Variants in SLC41A3 observed in about 807,000 individuals in gnomAD.
SLC41A3 encodes solute carrier family 41 member 3, also known as SLC41A1-like 2.
SLC41A3 carries 44 observed loss-of-function variants against 45.4 expected under a neutral mutation model. That is an observed-to-expected ratio of 0.97 (90% CI 0.76 to 1.25). The LOEUF (loss-of-function observed/expected upper bound fraction) is 1.25, where lower values mean the gene tolerates loss of function less well. SLC41A3 is among the 50% of genes most tolerant of loss of function. The pLI is 0.00. For missense variants in SLC41A3, 550 were observed against 600.6 expected, an observed-to-expected ratio of 0.92 and a Z score of 0.88; for synonymous variants, 256 against 252.4, an observed-to-expected ratio of 1.01 and a Z score of -0.13.
chr3:126,014,119 A>C (rs1182868768), intron 8 of SLC41A3, among the ~76,000 whole-genome samples: 1 of 152,108 alleles, frequency 6.6e-6, no homozygotes, highest in African/African-American at 2.4e-5. Context: ...TGCCATGGAG[A>C]ACTCTCCCTA....
At chr3:126,098,938 T>TG in intron 1 of SLC41A3, among the ~76,000 whole-genome samples, 1 of 150,012 alleles carries the variant, frequency 6.7e-6, no homozygotes, top group African/African-American at 2.4e-5. Flanking sequence ...TTTTTTTTTT[T>TG]TTTTTTTTTG....
chr3:126,076,300 T>C (rs1243860505), intron 1 of SLC41A3, among the ~76,000 whole-genome samples: 3 of 152,238 alleles, frequency 2.0e-5, no homozygotes, highest in Non-Finnish European at 2.9e-5. Context: ...TAACATAATG[T>C]TGTCAAGCTT....
chr3:126,050,916 G>A (rs202134127), intron 3 of SLC41A3, 27 bp downstream of exon 3: 675 of 1,598,038 alleles, frequency 4.2e-4, no homozygotes, highest in South Asian at 9.5e-4. Flanking sequence ...CGTTGTGGCC[G>A]CCTCGAATGT....
At chr3:126,017,435 G>A (rs1370394901) in intron 6 of SLC41A3, among the ~76,000 whole-genome samples, 4 of 152,212 alleles carry the variant, frequency 2.6e-5, no homozygotes, top group Admixed American at 1.3e-4. Flanking sequence ...GTCACCAGCC[G>A]GGTAGCTACT....
At chr3:126,061,535 G>A (rs1944069107) in intron 2 of SLC41A3, among the ~76,000 whole-genome samples, 1 of 152,236 alleles carries the variant, frequency 6.6e-6, no homozygotes, top group East Asian at 1.9e-4. Flanking sequence ...GGGCAGGGGT[G>A]TCTGCCTGGC....
chr3:126,007,473 C>T (rs1939220866), intron 10 of SLC41A3, among the ~76,000 whole-genome samples: 1 of 152,198 alleles, frequency 6.6e-6, no homozygotes, highest in South Asian at 2.1e-4. Context: ...CCTGAAGGGC[C>T]AATCAGACCC....
chr3:126,088,036 C>T (rs1203517523), upstream of SLC41A3, among the ~76,000 whole-genome samples: 2 of 152,060 alleles, frequency 1.3e-5, no homozygotes, highest in African/African-American at 4.8e-5. Context: ...AGCTCTTTCT[C>T]TTTTGAAATG....
intron 2 of SLC41A3, among the ~76,000 whole-genome samples, chr3:126,052,618 C>T (rs1484991310): frequency 6.6e-6 from 1 of 152,106 alleles, no homozygotes; most frequent in Non-Finnish European, 1.5e-5. Context: ...GATGGGTAAG[C>T]CCCATCTGCT....
upstream of SLC41A3, among the ~76,000 whole-genome samples, chr3:126,086,408 GTTTT>G (rs57316346): frequency 4.7e-5 from 1 of 21,184 alleles, no homozygotes; most frequent in Non-Finnish European, 1.1e-4. Flanking sequence ...TTGTTTTCTT[GTTTT>G]TTTTTTTTTT....
chr3:126,022,964 C>T (rs1941033882), intron 5 of SLC41A3, 32 bp from the exon 6 acceptor site: 1 of 1,612,412 alleles, frequency 6.2e-7, no homozygotes, highest in East Asian at 2.2e-5. Context: ...ACAGCAGACT[C>T]AAATCCCAGG....
At chr3:126,069,293 C>A (rs1420476889) in intron 1 of SLC41A3, among the ~76,000 whole-genome samples, 1 of 151,926 alleles carries the variant, frequency 6.6e-6, no homozygotes, top group African/African-American at 2.4e-5. Context: ...ACTGGATGTA[C>A]CCAGTGTGCA....
intron 1 of SLC41A3, among the ~76,000 whole-genome samples, chr3:126,095,552 C>T (rs1211245648): frequency 6.6e-6 from 1 of 152,242 alleles, no homozygotes; most frequent in African/African-American, 2.4e-5. Flanking sequence ...TCAATCTTGG[C>T]TGGCAATAAT....
chr3:126,046,788 C>G (rs1316811406), intron 3 of SLC41A3, among the ~76,000 whole-genome samples: 1 of 151,660 alleles, frequency 6.6e-6, no homozygotes, highest in Non-Finnish European at 1.5e-5. Flanking sequence ...ATGATGAAAC[C>G]ACTTCTCTAT....
intron 4 of SLC41A3, 81 bp downstream of exon 4, chr3:126,033,526 C>T: frequency 6.8e-7 from 1 of 1,476,474 alleles, no homozygotes; most frequent in South Asian, 1.2e-5. Flanking sequence ...GGGACAAGAG[C>T]TCGCTTAGCC....
chr3:126,097,079 G>T (rs551126932), intron 1 of SLC41A3, among the ~76,000 whole-genome samples: 2 of 152,290 alleles, frequency 1.3e-5, no homozygotes, highest in South Asian at 4.1e-4. Context: ...AAGAGAGAAG[G>T]TCATGTTTGA....
In SLC41A3 at chr3:126,007,058, T is replaced by C; in HGVS notation, c.1422A>G (p.Ala474=). The C allele has an allele frequency of 6.2e-7, 1 of 1,614,170 alleles. No homozygotes were observed. Among genetic ancestry groups the C allele is most frequent in the South Asian group, 1.1e-5 (1 of 91,076 alleles). ...FFTDWLLKSK[A]ELGGISELAS... ...CCAGTTCTGAGATGCCACCCAGCTC[T>C]GCCTTGCTCTTCAGTAGCCAGTCAG... The change falls in exon 11 of 11, where the codon GCA becomes GCG. Residue 474 remains alanine, a synonymous_variant. Coordinates refer to ENST00000360370, the MANE Select transcript of SLC41A3 (RefSeq NM_017836.4).
chr3:126,026,858 T>C lies in SLC41A3; in HGVS notation c.454-379A>G, dbSNP rs138674710. Among the ~76,000 whole-genome samples the C allele has an allele frequency of 6.6e-6, 1 of 152,250 alleles. No homozygotes were observed. Among genetic ancestry groups the C allele is most frequent in the African/African-American group, 2.4e-5 (1 of 41,538 alleles). On this transcript the variant is annotated intron_variant, in intron 4 of 10. Transcript: ENST00000360370. The surrounding 1 kb of genome is among the most constrained non-coding windows in gnomAD (Gnocchi z 4.2). ...CGGCAGTGCAGACAACACACCTCAC[T>C]TGCCATGTGGTGTACCCCACGACAC... is the stretch of plus-strand genomic sequence containing the variant.
chr3:126,095,182 T>A, intron 1 of SLC41A3: 1 of 688,318 alleles, frequency 1.5e-6, no homozygotes, highest in Non-Finnish European at 2.6e-6. Context: ...TGCTTATGTC[T>A]CTCCAGGCCA....
intron 2 of SLC41A3, among the ~76,000 whole-genome samples, chr3:126,055,548 C>T (rs1258833010): frequency 6.6e-6 from 1 of 152,150 alleles, no homozygotes; most frequent in African/African-American, 2.4e-5. Flanking sequence ...TACTATAAAC[C>T]ATATATGTAT....
Sources: gnomAD v4.1 joint callset for allele counts (sites outside exome capture counted in the v4.1 genomes callset) on GRCh38, gnomAD v4.1.1 for gene constraint, Gnocchi (gnomAD v3.1) non-coding constraint, MANE v1.5 for transcripts, NCBI Gene and HGNC (gene_info 2026-07-23, HGNC 2026-07-21) for gene names.